LRRTM4: variants seen among roughly 807,000 people sequenced by gnomAD.
LRRTM4 encodes leucine-rich repeat transmembrane neuronal protein 4.
In LRRTM4, 25 loss-of-function variants were observed where a neutral mutation model predicts 47.6. That is an observed-to-expected ratio of 0.53 (90% CI 0.38 to 0.73). LRRTM4 has a LOEUF of 0.73. Ranked by LOEUF, LRRTM4 falls within the 30% of genes least tolerant of loss-of-function variation. The probability of loss-of-function intolerance (pLI) is 0.00; values close to 1 mark genes in which losing one functional copy is unlikely to be tolerated. For missense variants in LRRTM4, 638 were observed against 713.4 expected (o/e 0.89, Z 1.20); for synonymous variants, 311 against 269.5 (o/e 1.15, Z -1.51).
chr2:77,081,464 A>G (rs56347487), intron 3 of LRRTM4, among the ~76,000 whole-genome samples: 23,112 of 152,042 alleles, frequency 0.15, 2,611 homozygotes, highest in East Asian at 0.42. Context: ...TGAAATAAAA[A>G]TCACTGATAT....
At chr2:76,854,141 G>T (rs968814130) in intron 3 of LRRTM4, among the ~76,000 whole-genome samples, 3 of 152,048 alleles carry the variant, frequency 2.0e-5, no homozygotes, top group African/African-American at 7.2e-5. Context: ...ATTACATTAC[G>T]AGAAGATGAA....
rs752640398 is a variant in LRRTM4, at chr2:77,365,910, T to TTA, written c.1551+152406_1551+152407dup. Among the ~76,000 whole-genome samples, 55 of 147,978 alleles carry TTA rather than the reference T, an allele frequency of 3.7e-4. 2 individuals are homozygous for TTA. The East Asian group carries it at 6.7e-3, about 18-fold the overall frequency. ...ATTTTTAATATTTATTTTTCCTATATTATATATATATAATAATATTTATTT... is the reference window on the plus strand; with the variant it reads ...ATTTTTAATATTTATTTTTCCTATATTATATATATATATAATAATATTTATTT... On this transcript the variant is annotated intron_variant, in intron 3 of 3. Transcript: ENST00000409884.
At chr2:76,880,166 T>G (rs925829829) in intron 3 of LRRTM4, among the ~76,000 whole-genome samples, 4 of 152,204 alleles carry the variant, frequency 2.6e-5, no homozygotes, top group African/African-American at 4.8e-5. Flanking sequence ...TGACCCCAGT[T>G]TTGAAAGAAA....
At chr2:77,450,633 A>T (rs1247702656) in intron 3 of LRRTM4, among the ~76,000 whole-genome samples, 3 of 152,130 alleles carry the variant, frequency 2.0e-5, no homozygotes, top group Non-Finnish European at 4.4e-5. Context: ...GAGTTGAAAC[A>T]ATACCCAAGA....
chr2:77,219,294 T>G (rs1410022235), intron 3 of LRRTM4, among the ~76,000 whole-genome samples: 1 of 152,180 alleles, frequency 6.6e-6, no homozygotes, highest in Non-Finnish European at 1.5e-5. Context: ...TGGTTATGTT[T>G]GCATCTACTT....
intron 3 of LRRTM4, among the ~76,000 whole-genome samples, chr2:76,907,903 C>G (rs949508837): frequency 1.7e-4 from 25 of 146,514 alleles, no homozygotes; most frequent in African/African-American, 5.9e-4. Context: ...CAGCTGAATT[C>G]TACCAGAGGT....
chr2:77,303,336 T>C (rs949871261), intron 3 of LRRTM4, among the ~76,000 whole-genome samples: 2 of 152,168 alleles, frequency 1.3e-5, no homozygotes, highest in Non-Finnish European at 2.9e-5. Context: ...CACAGGTTGA[T>C]TAGTATGTAC....
At chr2:76,885,131 T>C (rs1383984514) in intron 3 of LRRTM4, among the ~76,000 whole-genome samples, 1 of 152,018 alleles carries the variant, frequency 6.6e-6, no homozygotes, top group African/African-American at 2.4e-5. Flanking sequence ...CTATTATTTT[T>C]CCTCTCATAT....
intron 3 of LRRTM4, among the ~76,000 whole-genome samples, chr2:77,002,494 C>G (rs1366343918): frequency 6.6e-6 from 1 of 152,134 alleles, no homozygotes; most frequent in East Asian, 1.9e-4. Flanking sequence ...AATCTGACAC[C>G]ATTGTTAACT....
intron 3 of LRRTM4, among the ~76,000 whole-genome samples, chr2:77,380,906 T>TA (rs768021134): frequency 2.4e-4 from 36 of 152,120 alleles, no homozygotes; most frequent in Non-Finnish European, 4.7e-4. Context: ...TATCATATTT[T>TA]AAAAACTTAT....
chr2:77,291,911 C>A (rs1409077757), intron 3 of LRRTM4, among the ~76,000 whole-genome samples: 2 of 151,766 alleles, frequency 1.3e-5, no homozygotes, highest in African/African-American at 4.8e-5. Context: ...AACAGGCAAC[C>A]TACAAAATGG....
chr2:77,237,848 A>G (rs1179258262), intron 3 of LRRTM4, among the ~76,000 whole-genome samples: 1 of 152,166 alleles, frequency 6.6e-6, no homozygotes, highest in African/African-American at 2.4e-5. Context: ...GGGCACAAGT[A>G]AAGACCCCCT....
At chr2:77,102,908 A>G (rs1277671314) in intron 3 of LRRTM4, among the ~76,000 whole-genome samples, 1 of 152,092 alleles carries the variant, frequency 6.6e-6, no homozygotes, top group Admixed American at 6.6e-5. Flanking sequence ...TTGTACTATT[A>G]ATAAAAAGAT....
chr2:77,411,761 C>G (rs958681594), intron 3 of LRRTM4, among the ~76,000 whole-genome samples: 1 of 151,472 alleles, frequency 6.6e-6, no homozygotes, highest in African/African-American at 2.4e-5. Flanking sequence ...TAAGCCACCG[C>G]GCCCGGCCCC....
At chr2:76,796,618 A>G (rs1359878989) in intron 3 of LRRTM4, among the ~76,000 whole-genome samples, 1 of 108,638 alleles carries the variant, frequency 9.2e-6, no homozygotes, top group Non-Finnish European at 1.7e-5. Context: ...TAGAAGGAAA[A>G]CTAACAAACA....
chr2:77,494,598 T>A (rs966642471), intron 3 of LRRTM4, among the ~76,000 whole-genome samples: 2 of 152,048 alleles, frequency 1.3e-5, no homozygotes, highest in Admixed American at 6.6e-5. Flanking sequence ...ATTTTTTTTT[T>A]ATTCTTCATG....
At chr2:76,996,701 C>G (rs1170735954) in intron 3 of LRRTM4, among the ~76,000 whole-genome samples, 1 of 152,052 alleles carries the variant, frequency 6.6e-6, no homozygotes, top group Non-Finnish European at 1.5e-5. Flanking sequence ...TGGTAATAAT[C>G]TTTAGGAGCA....
At position 77,414,154 on chromosome 2, in the gene LRRTM4, T is replaced by C. The variant is rs1674548600; in HGVS notation, c.1551+104164A>G. ...TTTCCTTTCTTCCTGTATCTCTCTC[T>C]TTTTACTTATTTTCTTCCTGTATAT... is the stretch of plus-strand genomic sequence containing the variant. On this transcript the variant is annotated intron_variant, in intron 3 of 3. Transcript: ENST00000409884. 5.3e-5 allele frequency among the ~76,000 whole-genome samples: 8 copies of C among 152,206 alleles called. No homozygotes were observed. The South Asian group carries it at 1.4e-3, about 28-fold the overall frequency.
chr2:76,781,410 G>A (rs959228588), intron 3 of LRRTM4, among the ~76,000 whole-genome samples: 12 of 152,242 alleles, frequency 7.9e-5, no homozygotes, highest in Non-Finnish European at 8.8e-5. Context: ...GCGAGACTCC[G>A]TGGGCGTAGG....
Sources: gnomAD v4.1 joint callset for allele counts (sites outside exome capture counted in the v4.1 genomes callset) on GRCh38, gnomAD v4.1.1 for gene constraint, MANE v1.5 for transcripts, NCBI Gene and HGNC (gene_info 2026-07-23, HGNC 2026-07-21) for gene names.